The following NME9 variants were observed in gnomAD, a reference collection of about 807,000 sequenced individuals.
The protein encoded by NME9 is NME/NM23 family member 9, also known as thioredoxin domain-containing protein 6.
Under a neutral mutation model 44.4 loss-of-function variants are expected in NME9, and 48 were observed. That is an observed-to-expected ratio of 1.08 (90% CI 0.86 to 1.37). The LOEUF (loss-of-function observed/expected upper bound fraction) is 1.37. Ranked by LOEUF, NME9 falls within the 40% of genes most tolerant of loss-of-function variation. NME9 has a pLI of 0.00. For synonymous variants in NME9, 139 were observed against 147.1 expected, an observed-to-expected ratio of 0.94 and a Z score of 0.40; for missense variants, 325 against 405.2, an observed-to-expected ratio of 0.80 and a Z score of 1.70.
chr3:138,262,334 T>C (rs1383165289), exon 9 of NME9: 15 of 593,294 alleles, frequency 2.5e-5, no homozygotes, highest in Non-Finnish European at 3.8e-5. Flanking sequence ...TAGATCAATA[T>C]GTAAATGTTT....
chr3:138,265,259 C>T (rs546675628), intron 8 of NME9, among the ~76,000 whole-genome samples: 1 of 151,892 alleles, frequency 6.6e-6, no homozygotes, highest in South Asian at 2.1e-4. Flanking sequence ...CCCTTTTGTC[C>T]CCCCCAAAAA....
chr3:138,304,918 A>G lies in NME9; in HGVS notation c.746T>C (p.Met249Thr), dbSNP rs2052125503. 1.2e-6 allele frequency: 2 copies of G among 1,614,022 alleles called. No individual in the cohort carries two copies. Among genetic ancestry groups the G allele is most frequent in the Non-Finnish European group, 1.7e-6 (2 of 1,180,010 alleles). The change falls in exon 9 of 11, where the codon ATG (methionine) becomes ACG (threonine). Residue 249 changes from methionine to threonine, a missense_variant. By Grantham distance (81) the Met-to-Thr change is moderately conservative. Coordinates refer to ENST00000333911, the MANE Select transcript of NME9 (RefSeq NM_001349018.2). ...GGCCACATTGGGGTCACGGGGGCCC[A>G]TGACGGTTCGCCAGGTAGTGACCAC... Reference protein sequence around the residue: ...EDVVTTWRTVMGPRDPNVARR... With the variant: ...EDVVTTWRTVTGPRDPNVARR...
At chr3:138,265,606 A>G (rs2048202822) in intron 8 of NME9, among the ~76,000 whole-genome samples, 1 of 152,206 alleles carries the variant, frequency 6.6e-6, no homozygotes, top group South Asian at 2.1e-4. Context: ...AAGAATATAA[A>G]GTGGGCTTTG....
intron 10 of NME9, among the ~76,000 whole-genome samples, 185 bp from the exon 11 acceptor site, chr3:138,301,889 T>C (rs1265561495): frequency 6.6e-6 from 1 of 152,242 alleles, no homozygotes; most frequent in Non-Finnish European, 1.5e-5. Context: ...GAGCATTTAA[T>C]TTGTGTCAGA....
intron 8 of NME9, among the ~76,000 whole-genome samples, chr3:138,288,635 C>CTTTTTT (rs547726493): frequency 9.1e-6 from 1 of 109,676 alleles, no homozygotes; most frequent in Non-Finnish European, 1.9e-5. Context: ...CTTCTTCAGA[C>CTTTTTT]TTTTTTTTTT....
chr3:138,279,602 G>T (rs2049672819), intron 8 of NME9, among the ~76,000 whole-genome samples: 1 of 152,134 alleles, frequency 6.6e-6, no homozygotes, highest in Non-Finnish European at 1.5e-5. Flanking sequence ...GCAAAAATTT[G>T]TGAAGAATTA....
intron 8 of NME9, among the ~76,000 whole-genome samples, chr3:138,286,556 T>G (rs1416110164): frequency 6.6e-6 from 1 of 152,206 alleles, no homozygotes; most frequent in East Asian, 1.9e-4. Context: ...CGTGCTCTCC[T>G]GAGATCAGCA....
intron 2 of NME9, chr3:138,324,416 C>A: frequency 2.2e-6 from 1 of 454,238 alleles, no homozygotes; most frequent in Non-Finnish European, 4.4e-6. Context: ...GGGTAAATTG[C>A]TAAGTGCAAC....
intron 8 of NME9, among the ~76,000 whole-genome samples, chr3:138,264,499 A>G (rs144726770): frequency 0.012 from 1,795 of 143,930 alleles, 38 homozygotes; most frequent in African/African-American, 0.043. Flanking sequence ...GGCTCACTGC[A>G]ACCTCCACCT....
At chr3:138,277,288 A>G (rs1203876746) in intron 8 of NME9, among the ~76,000 whole-genome samples, 1 of 152,218 alleles carries the variant, frequency 6.6e-6, no homozygotes, top group East Asian at 1.9e-4. Context: ...CATAAAAGGT[A>G]AAACTATAAA....
intron 8 of NME9, among the ~76,000 whole-genome samples, chr3:138,284,709 T>C (rs1183597438): frequency 6.6e-6 from 1 of 152,162 alleles, no homozygotes; most frequent in Non-Finnish European, 1.5e-5. Flanking sequence ...CCTTGAAGCT[T>C]GTACCACTTG....
At chr3:138,263,885 G>A in intron 8 of NME9, 1 of 1,372,626 alleles carries the variant, frequency 7.3e-7, no homozygotes, top group Non-Finnish European at 1.0e-6. Flanking sequence ...TTCCTTTCTG[G>A]TCCTTCACTG....
chr3:138,281,860 A>G (rs57271388), intron 8 of NME9, among the ~76,000 whole-genome samples: 2,582 of 152,220 alleles, frequency 0.017, 76 homozygotes, highest in African/African-American at 0.056. Flanking sequence ...AAAAGTGTTT[A>G]CCATTTCTCT....
At chr3:138,309,802 C>T (rs1341959855) in intron 6 of NME9, among the ~76,000 whole-genome samples, 6 of 151,874 alleles carry the variant, frequency 4.0e-5, no homozygotes, top group Admixed American at 6.5e-5. Flanking sequence ...CCAAGGCAGG[C>T]AGATCACCTG....
chr3:138,280,360 C>T (rs773102217), intron 8 of NME9, among the ~76,000 whole-genome samples: 67 of 152,050 alleles, frequency 4.4e-4, no homozygotes, highest in Non-Finnish European at 7.2e-4. Context: ...CTCTGTTGCC[C>T]AGGCTGGAGT....
Position 138,294,891 on chromosome 3 carries a change from T to A in NME9, c.745+8616A>T, listed in dbSNP as rs565555782. ...GGTTTGTTTTTTGGGTTTTTTTGTT[T>A]GTTTTTTGTTCTTTTTTTTTTTTTG... On this transcript the variant is annotated intron_variant, in intron 8 of 8. Coordinates refer to the NME9 transcript ENST00000317876. 2.0e-5 allele frequency among the ~76,000 whole-genome samples: 3 copies of A among 151,530 alleles called. No individual in the cohort carries two copies. In the South Asian group the frequency reaches 6.2e-4, roughly 31 times the overall value.
chr3:138,263,102 A>G (rs747327560), intron 8 of NME9, among the ~76,000 whole-genome samples: 1 of 152,278 alleles, frequency 6.6e-6, no homozygotes, highest in African/African-American at 2.4e-5. Flanking sequence ...ATAGGCCCAC[A>G]CAAGTCAAAT....
At chr3:138,309,505 T>C (rs1251126298) in intron 6 of NME9, among the ~76,000 whole-genome samples, 1 of 150,506 alleles carries the variant, frequency 6.6e-6, no homozygotes, top group Non-Finnish European at 1.5e-5. Flanking sequence ...GCCAACATGG[T>C]GAAACCCTGT....
chr3:138,264,052 A>G (rs1162863583), intron 8 of NME9: 4 of 1,327,246 alleles, frequency 3.0e-6, no homozygotes, highest in Non-Finnish European at 4.3e-6. Context: ...TACATTAGTC[A>G]TTGTAAAATG....
Sources: allele counts gnomAD v4.1 joint callset (sites outside exome capture counted in the v4.1 genomes callset), GRCh38; gene constraint gnomAD v4.1.1; transcripts MANE v1.5; gene names NCBI Gene and HGNC (gene_info 2026-07-23, HGNC 2026-07-21).